Variants in RSBN1L observed in about 807,000 individuals in gnomAD.
The protein encoded by RSBN1L is lysine-specific demethylase RSBN1L.
RSBN1L carries 30 observed loss-of-function variants against 67.7 expected under a neutral mutation model. That is an observed-to-expected ratio of 0.44 (90% confidence interval 0.33 to 0.60). The LOEUF (loss-of-function observed/expected upper bound fraction) is 0.60, where lower values mean the gene tolerates loss of function less well. Ranked by LOEUF, RSBN1L falls within the 20% of genes least tolerant of loss-of-function variation. The pLI, the probability that RSBN1L is intolerant of heterozygous loss-of-function variation, is 0.02. For synonymous variants in RSBN1L, 433 were observed against 387.0 expected, an observed-to-expected ratio of 1.12 and a Z score of -1.39; for missense variants, 992 against 1,031.7, an observed-to-expected ratio of 0.96 and a Z score of 0.53.
intron 1 of RSBN1L, among the ~76,000 whole-genome samples, chr7:77,716,194 G>C (rs1791045587): frequency 6.6e-6 from 1 of 152,202 alleles, no homozygotes; most frequent in Middle Eastern, 3.4e-3. Flanking sequence ...TTTTCTCTTA[G>C]ATTTCTCTAG....
chr7:77,705,315 T>C (rs1254431418), intron 1 of RSBN1L, among the ~76,000 whole-genome samples: 2 of 152,176 alleles, frequency 1.3e-5, no homozygotes, highest in Admixed American at 6.5e-5. Context: ...ATATTTACTT[T>C]GTATTTCATG....
intron 2 of RSBN1L, among the ~76,000 whole-genome samples, chr7:77,743,651 C>T (rs1197619046): frequency 1.3e-5 from 2 of 151,664 alleles, no homozygotes; most frequent in Non-Finnish European, 2.9e-5. Flanking sequence ...TGGTGTTAGG[C>T]ATAAGTGTAG....
At chr7:77,764,441 A>C (rs1191192260) in intron 3 of RSBN1L, among the ~76,000 whole-genome samples, 1 of 152,158 alleles carries the variant, frequency 6.6e-6, no homozygotes. Context: ...TTTGAATGCC[A>C]CCCATTTGCT....
intron 2 of RSBN1L, among the ~76,000 whole-genome samples, chr7:77,746,106 G>C (rs1315574806): frequency 6.6e-6 from 1 of 152,122 alleles, no homozygotes; most frequent in African/African-American, 2.4e-5. Flanking sequence ...TGTTGCCCTG[G>C]GATTGGGGAT....
At chr7:77,740,727 C>G (rs539487048) in intron 2 of RSBN1L, among the ~76,000 whole-genome samples, 3 of 151,514 alleles carry the variant, frequency 2.0e-5, no homozygotes, top group African/African-American at 7.3e-5. Context: ...TTTTATTTTT[C>G]TTTTCATAAT....
At chr7:77,745,660 C>CG (rs1791472734) in intron 2 of RSBN1L, among the ~76,000 whole-genome samples, 1 of 152,256 alleles carries the variant, frequency 6.6e-6, no homozygotes, top group Admixed American at 6.5e-5. Context: ...ACTGATTTCA[C>CG]GGAAGACAGT....
intron 1 of RSBN1L, among the ~76,000 whole-genome samples, chr7:77,700,497 C>T (rs368839322): frequency 4.4e-4 from 67 of 152,232 alleles, no homozygotes; most frequent in African/African-American, 1.5e-3. Context: ...ATGAAAATAG[C>T]AGCTTTTCTT....
chr7:77,742,823 G>T (rs1008030914), intron 2 of RSBN1L, among the ~76,000 whole-genome samples: 2 of 152,188 alleles, frequency 1.3e-5, no homozygotes, highest in African/African-American at 4.8e-5. Context: ...GGGCGACAGA[G>T]TGAGACCCTG....
chr7:77,700,205 G>GT (rs1584270685), intron 1 of RSBN1L, among the ~76,000 whole-genome samples: 2 of 152,262 alleles, frequency 1.3e-5, no homozygotes, highest in East Asian at 3.9e-4. Flanking sequence ...TGTAGAATTG[G>GT]TAAGTGTGGA....
rs1790970781 is a variant in RSBN1L at position 77,711,332 on chromosome 7, T to C, written c.586+14277T>C. Among the ~76,000 whole-genome samples, 3 of 151,898 alleles carry C rather than the reference T, an allele frequency of 2.0e-5. No individual in the cohort carries two copies. The South Asian group carries it at 6.2e-4, about 32-fold the overall frequency. On this transcript the variant is annotated intron_variant, in intron 1 of 7. Coordinates refer to ENST00000334955, the MANE Select transcript of RSBN1L (RefSeq NM_198467.3). ...ATATTTTGCATATTAATTTTTTTTTTTTTTTTTTTTTACCATTTTTATTCT... is the reference window on the plus strand; with the variant it reads ...ATATTTTGCATATTAATTTTTTTTTCTTTTTTTTTTTACCATTTTTATTCT...
intron 2 of RSBN1L, among the ~76,000 whole-genome samples, chr7:77,739,739 C>CTTTTTTT (rs1173154183): frequency 0.01 from 437 of 42,684 alleles, 81 homozygotes; most frequent in African/African-American, 0.013. Context: ...AAAAATGTGT[C>CTTTTTTT]TTTTTTTTTT....
rs1174315728 is a variant in RSBN1L, at chr7:77,778,959, C to A, written c.2332C>A (p.Leu778Met). The part of the protein sequence containing the change: ...NVNIPEKTTA[L>M]NNMDGKNVKA... ...TAATATTCCTGAAAAGACTACAGCA[C>A]TGAATAATATGGATGGCAAGAATGT... is the stretch of plus-strand genomic sequence containing the variant. Residue 778 changes from leucine to methionine, a missense_variant, in exon 8 of 8, where the codon CTG (leucine) becomes ATG (methionine). This residue lies in a region of RSBN1L where 199 missense variants were observed against 167.7 expected (regional missense o/e 1.19). Coordinates refer to ENST00000334955, the MANE Select transcript of RSBN1L (RefSeq NM_198467.3). 4 of 1,613,674 alleles carry A rather than the reference C, an allele frequency of 2.5e-6. No individual in the cohort carries two copies. The highest frequency in any genetic ancestry group is 4.5e-5 in the East Asian group (2 of 44,872).
At chr7:77,715,976 C>T (rs887444458) in intron 1 of RSBN1L, among the ~76,000 whole-genome samples, 2 of 152,106 alleles carry the variant, frequency 1.3e-5, no homozygotes, top group Non-Finnish European at 2.9e-5. Flanking sequence ...AAGTTCTTTA[C>T]ATATTCTGGG....
Position 77,762,760 on chromosome 7 carries a change from A to G in RSBN1L, c.1345-2735A>G, listed in dbSNP as rs910627371. On this transcript the variant is annotated intron_variant, in intron 3 of 7. Transcript: ENST00000334955. ...TTACTCTACAAGGACTGTGTTAACA[A>G]TTGGTTCCGGTTTTCTGATTATTAT... Among the ~76,000 whole-genome samples the G allele has an allele frequency of 7.9e-5, 12 of 152,266 alleles. No homozygotes were observed. In the South Asian group the frequency reaches 1.2e-3, roughly 16 times the overall value.
At chr7:77,764,322 T>C (rs1212592597) in intron 3 of RSBN1L, among the ~76,000 whole-genome samples, 1 of 152,246 alleles carries the variant, frequency 6.6e-6, no homozygotes. Flanking sequence ...GCTTGTTTAC[T>C]AGTGTTAGTA....
chr7:77,724,588 G>C (rs1041073928), intron 1 of RSBN1L, among the ~76,000 whole-genome samples: 8 of 151,578 alleles, frequency 5.3e-5, no homozygotes, highest in African/African-American at 1.9e-4. Context: ...ACCATGCCCA[G>C]CTAATTTTTG....
chr7:77,697,077 GGA>G, intron 1 of RSBN1L, 22 bp downstream of exon 1: 2 of 1,378,724 alleles, frequency 1.5e-6, no homozygotes, highest in Non-Finnish European at 1.9e-6. Flanking sequence ...GCGGGGAGGG[GGA>G]GGGGAGGGCG....
intron 1 of RSBN1L, among the ~76,000 whole-genome samples, chr7:77,701,151 CAA>C (rs1221326900): frequency 1.0e-4 from 9 of 88,736 alleles, no homozygotes; most frequent in African/African-American, 2.4e-4. Flanking sequence ...GACTCTGGCT[CAA>C]AAAAAAAAAA....
intron 3 of RSBN1L, among the ~76,000 whole-genome samples, chr7:77,755,632 A>T (rs1041608190): frequency 6.6e-6 from 1 of 151,760 alleles, no homozygotes; most frequent in East Asian, 1.9e-4. Flanking sequence ...GCGCCATTGC[A>T]CTCTAGCTTG....
Sources: gnomAD v4.1 joint callset for allele counts (sites outside exome capture counted in the v4.1 genomes callset) on GRCh38, gnomAD v4.1.1 for gene constraint, gnomAD v4.1.1 regional missense constraint, MANE v1.5 for transcripts, NCBI Gene and HGNC (gene_info 2026-07-23, HGNC 2026-07-21) for gene names.